HSPD1: variants seen among roughly 807,000 people sequenced by gnomAD.
HSPD1 encodes 60 kDa heat shock protein, mitochondrial.
HSPD1 carries 3 observed loss-of-function variants against 53.0 expected under a neutral mutation model. The observed-to-expected ratio is 0.06, with a 90% CI of 0.03 to 0.15. HSPD1 has a LOEUF of 0.15. HSPD1 is among the 10% of genes least tolerant of loss of function. HSPD1 has a pLI of 1.00. For synonymous variants in HSPD1, 200 were observed against 228.0 expected, an observed-to-expected ratio of 0.88 and a Z score of 1.10; for missense variants, 431 against 694.1, an observed-to-expected ratio of 0.62 and a Z score of 4.26.
intron 3 of HSPD1, 50 bp from the exon 4 acceptor site, chr2:197,495,426 TATGTCAAGTAGAA>T: frequency 8.7e-7 from 1 of 1,145,322 alleles, no homozygotes; most frequent in Non-Finnish European, 1.3e-6. Flanking sequence ...TCATGGCTTC[TATGTCAAGTAGAA>T]ATCTTGAGAT....
rs146125634 is a variant in HSPD1 at position 197,493,331 on chromosome 2, A to G, written c.862T>C (p.Leu288=). The G allele has an allele frequency of 4.3e-6, 7 of 1,613,142 alleles. No individual in the cohort carries two copies. Among genetic ancestry groups the G allele is most frequent in the Non-Finnish European group, 5.9e-6 (7 of 1,179,152 alleles). The change falls in exon 7 of 12, where the codon TTG becomes CTG. Residue 288 remains leucine (L), a synonymous_variant. Transcript: ENST00000388968. The stretch of plus-strand genomic sequence containing the variant: ...AATACCACTGCTTATTACCTATTCA[A>G]GACGAGTGTACTTAGAGCTTCTCCA... ...VDGEALSTLV[L]NRLKVGLQVV...
At chr2:197,499,330 G>A (rs767418889) in intron 1 of HSPD1, 13 of 167,806 alleles carry the variant, frequency 7.7e-5, no homozygotes, top group Non-Finnish European at 1.6e-4. Flanking sequence ...CAACCAGCAA[G>A]GCCGCGATGC....
At chr2:197,489,322 T>C (rs1207803269) in intron 8 of HSPD1, 75 bp from the exon 9 acceptor site, 48 of 1,397,110 alleles carry the variant, frequency 3.4e-5, no homozygotes, top group Non-Finnish European at 5.1e-6. Context: ...TAATACACCA[T>C]GCAAGAGAAT....
chr2:197,490,407 G>T, intron 7 of HSPD1, 111 bp from the exon 8 acceptor site: 4 of 713,314 alleles, frequency 5.6e-6, no homozygotes, highest in Non-Finnish European at 6.7e-6. Context: ...ATCTGGTTTG[G>T]TTTTTGTGTT....
intron 11 of HSPD1, 50 bp from the exon 12 acceptor site, chr2:197,487,248 G>C (rs2086037778): frequency 6.5e-7 from 1 of 1,542,532 alleles, no homozygotes; most frequent in Middle Eastern, 1.7e-4. Flanking sequence ...ATATGAGCAA[G>C]ACTTATTGAA....
In HSPD1 at chr2:197,489,091, C is replaced by G. The variant is rs2086060383; in HGVS notation, c.1126G>C (p.Glu376Gln). The change falls in exon 9 of 12, where the codon GAG becomes CAG. Residue 376 changes from glutamate to glutamine, a missense_variant. Physicochemically the swap from Glu to Gln is conservative, Grantham distance 29. Transcript: ENST00000388968. ...QIEKRIQEII[E>Q]QLDVTTSEYE... ...TCACTAGTTGTGACATCTAACTGCTCAATGATTTCTTGAATACGTTTTTCA... is the reference window on the plus strand; with the variant it reads ...TCACTAGTTGTGACATCTAACTGCTGAATGATTTCTTGAATACGTTTTTCA... 1 of 1,613,858 alleles carries G rather than the reference C, an allele frequency of 6.2e-7. No homozygotes were observed. The highest frequency in any genetic ancestry group is 1.3e-5 in the African/African-American group (1 of 75,036).
intron 7 of HSPD1, among the ~76,000 whole-genome samples, chr2:197,490,823 A>T (rs1194273871): frequency 6.6e-6 from 1 of 152,242 alleles, no homozygotes; most frequent in African/African-American, 2.4e-5. Context: ...ATTACATTTG[A>T]GGGTCATTTA....
chr2:197,497,922 C>T (rs2086178693), intron 2 of HSPD1, among the ~76,000 whole-genome samples: 1 of 152,172 alleles, frequency 6.6e-6, no homozygotes. Flanking sequence ...GTATTTTAGG[C>T]AGTTGTTGGA....
Position 197,486,936 on chromosome 2 carries a change from G to C in HSPD1, c.*110C>G. On this transcript the variant is annotated 3_prime_UTR_variant, in exon 12 of 12. Coordinates refer to ENST00000388968, the MANE Select transcript of HSPD1 (RefSeq NM_002156.5). ...TGATGGTTATAGTGATTTTCAGCCA[G>C]CCTTTTTCTTCATTTTCTCCAACTG... 1.0e-6 allele frequency: 1 copy of C among 990,290 alleles called. No individual in the cohort carries two copies. The highest frequency in any genetic ancestry group is 1.3e-5 in the South Asian group (1 of 78,020). The allele number at this position is 990,290 out of a possible 1,614,324, so 61.3% of individuals were successfully genotyped here. A position where few individuals can be genotyped will look rare whatever the true frequency, so the allele number is the denominator to read the frequency against.
Position 197,490,239 on chromosome 2 carries a change from T to C in HSPD1, c.927A>G (p.Arg309=), listed in dbSNP as rs758416304. 7 of 1,613,960 alleles carry C rather than the reference T, an allele frequency of 4.3e-6. No individual in the cohort carries two copies. The highest frequency in any genetic ancestry group is 5.9e-6 in the Non-Finnish European group (7 of 1,179,994). The change falls in exon 8 of 12, where the codon AGA becomes AGG. Residue 309 remains arginine (R), a synonymous_variant. Coordinates refer to ENST00000388968, the MANE Select transcript of HSPD1 (RefSeq NM_002156.5). The stretch of plus-strand genomic sequence containing the variant: ...TAGCCATATCTTTAAGCTGGTTCTT[T>C]CTATTGTCACCAAACCCTGGAGCCT... ...AVKAPGFGDN[R]KNQLKDMAIA...
intron 5 of HSPD1, 102 bp from the exon 6 acceptor site, chr2:197,494,352 G>A (rs1264132977): frequency 2.7e-6 from 2 of 738,976 alleles, no homozygotes; most frequent in South Asian, 1.5e-5. Context: ...CATAAGAGAT[G>A]CAGGGTAGAG....
rs1003361027 is a variant in HSPD1, at chr2:197,495,078, A to C, written c.510+216T>G. The C allele has an allele frequency of 5.3e-5, 32 of 607,004 alleles. 1 individual carries two copies. In the Admixed American group the frequency reaches 7.4e-4, roughly 14 times the overall value. 37.6% of individuals were successfully genotyped at this position (607,004 alleles called of 1,614,324 possible). A position where few individuals can be genotyped will look rare whatever the true frequency, so the allele number is the denominator to read the frequency against. ...TCACAATCATATGAATCCATTTTAC[A>C]GCCATGTAGAACTAAAATGACAACC... On this transcript the variant is annotated intron_variant, in intron 4 of 11. Transcript: ENST00000388968.
chr2:197,494,593 G>T, intron 5 of HSPD1, 64 bp downstream of exon 5: 1 of 765,120 alleles, frequency 1.3e-6, no homozygotes, highest in Non-Finnish European at 2.0e-6. Context: ...TTGATCATCA[G>T]ATAACTCAAA....
intron 3 of HSPD1, 50 bp from the exon 4 acceptor site, chr2:197,495,426 T>C: frequency 8.7e-7 from 1 of 1,145,322 alleles, no homozygotes; most frequent in Non-Finnish European, 1.3e-6. Flanking sequence ...TCATGGCTTC[T>C]ATGTCAAGTA....
chr2:197,494,393 T>C, intron 5 of HSPD1, 143 bp from the exon 6 acceptor site: 1 of 657,120 alleles, frequency 1.5e-6, no homozygotes, highest in Admixed American at 2.8e-5. Flanking sequence ...CCAATTACAC[T>C]TCTGCAAAAA....
Position 197,489,264 on chromosome 2 carries a change from A to G in HSPD1, c.970-17T>C. ...TCCAAACACCTACAAAAAGAGTTAA[A>G]CGTAAACCTGTTGTAGGTTACAGTT... On this transcript the variant is annotated splice_polypyrimidine_tract_variant and intron_variant, in intron 8 of 11. Transcript: ENST00000388968. 3 of 1,613,962 alleles carry G rather than the reference A, an allele frequency of 1.9e-6. No homozygotes were observed. The highest frequency in any genetic ancestry group is 2.5e-6 in the Non-Finnish European group (3 of 1,179,854).
intron 3 of HSPD1, 102 bp from the exon 4 acceptor site, chr2:197,495,478 TAAAAA>T: frequency 4.0e-6 from 3 of 758,648 alleles, no homozygotes; most frequent in East Asian, 5.9e-5. Context: ...TGCCTTAACT[TAAAAA>T]AAAAAATTTT....
chr2:197,488,653 G>C (rs1034047813), intron 9 of HSPD1, among the ~76,000 whole-genome samples, 162 bp from the exon 10 acceptor site: 2 of 152,192 alleles, frequency 1.3e-5, no homozygotes, highest in African/African-American at 4.8e-5. Flanking sequence ...TGGATCACTT[G>C]AGGTCAGGAG....
chr2:197,498,912 T>C (rs1417276136), intron 1 of HSPD1, 62 bp from the exon 2 acceptor site: 11 of 1,421,694 alleles, frequency 7.7e-6, no homozygotes, highest in African/African-American at 2.8e-5. Context: ...AGAACAAACA[T>C]GCCCACCTGT....
Sources: gnomAD v4.1 joint callset for allele counts (sites outside exome capture counted in the v4.1 genomes callset) on GRCh38, gnomAD v4.1.1 for gene constraint, MANE v1.5 for transcripts, NCBI Gene and HGNC (gene_info 2026-07-23, HGNC 2026-07-21) for gene names.